Variants in KIF15 observed in about 807,000 individuals in gnomAD.
KIF15 encodes kinesin family member 15.
A neutral mutation model predicts 190.6 loss-of-function variants in KIF15; 140 were observed. That is an observed-to-expected ratio of 0.73 (90% CI 0.64 to 0.84). The LOEUF (loss-of-function observed/expected upper bound fraction) is 0.84. KIF15 is among the 40% of genes least tolerant of loss of function. The probability of loss-of-function intolerance (pLI) is 0.00; values close to 1 mark genes in which losing one functional copy is unlikely to be tolerated. For missense variants in KIF15, 1,372 were observed against 1,584.4 expected (o/e 0.87, Z 2.28); for synonymous variants, 528 against 551.3 (o/e 0.96, Z 0.59).
Position 44,805,032 on chromosome 3 carries a change from C to T in KIF15, c.1693C>T (p.Gln565Ter), listed in dbSNP as rs1224032444. The T allele has an allele frequency of 1.2e-6, 2 of 1,604,934 alleles. No homozygotes were observed. Reference protein sequence around the residue: ...SGMEKSDKNQQGFSPKAQKEP... With the variant: ...SGMEKSDKNQ The stretch of plus-strand genomic sequence containing the variant: ...GATTGTTTTCTTATTAACAGATCAG[C>T]AAGGATTTTCACCTAAAGCTCAGAA... Residue 565 changes from glutamine (Q) to a stop codon, truncating the protein, a stop_gained, in exon 15 of 35, where the codon CAA becomes TAA. Coordinates refer to ENST00000326047, the MANE Select transcript of KIF15 (RefSeq NM_020242.3). LOFTEE classifies it high-confidence loss of function.
At chr3:44,821,051 C>T (rs1443507825) in intron 20 of KIF15, among the ~76,000 whole-genome samples, 8 of 145,622 alleles carry the variant, frequency 5.5e-5, no homozygotes, top group Middle Eastern at 3.6e-3. Context: ...ACCTCCCTCC[C>T]GGATGGGGCG....
At chr3:44,849,353 T>C (rs765985467) in intron 32 of KIF15, among the ~76,000 whole-genome samples, 1 of 152,180 alleles carries the variant, frequency 6.6e-6, no homozygotes, top group African/African-American at 2.4e-5. Context: ...CTGGGCCCAG[T>C]AGCTCACGCC....
intron 6 of KIF15, chr3:44,862,250 C>G (rs1191585129): frequency 3.4e-6 from 2 of 585,004 alleles, no homozygotes; most frequent in East Asian, 2.8e-4. Flanking sequence ...CCGCCGCACC[C>G]TCGCCGGTCT....
At chr3:44,858,155 A>G (rs1461071606), downstream of KIF15, among the ~76,000 whole-genome samples, 3 of 152,200 alleles carry the variant, frequency 2.0e-5, no homozygotes, top group Non-Finnish European at 4.4e-5. Context: ...TGAAAAAAGC[A>G]TCTTTAAGAT....
intron 1 of KIF15, among the ~76,000 whole-genome samples, chr3:44,771,317 C>T (rs1374505992): frequency 6.6e-6 from 1 of 152,094 alleles, no homozygotes; most frequent in African/African-American, 2.4e-5. Context: ...ACAGAAAAGG[C>T]ACCACAGATT....
chr3:44,786,482 G>T lies in KIF15; in HGVS notation c.547G>T (p.Ala183Ser). The part of the protein sequence containing the change: ...QIYDLLDSAS[A>S]GLYLREHIKK... ...ATATGATCTACTGGACTCTGCATCG[G>T]CTGGACTGTACTTAAGGGAGCATAT... Residue 183 changes from alanine (A) to serine (S), a missense_variant, in exon 7 of 35, where the codon GCT (alanine) becomes TCT (serine). By Grantham distance (99) the Ala-to-Ser change is moderately conservative. Transcript: ENST00000326047. 1 of 1,613,946 alleles carries T rather than the reference G, an allele frequency of 6.2e-7. No homozygotes were observed. The highest frequency in any genetic ancestry group is 8.5e-7 in the Non-Finnish European group (1 of 1,179,884).
At chr3:44,855,310 A>G (rs548602003), downstream of KIF15, among the ~76,000 whole-genome samples, 6 of 152,362 alleles carry the variant, frequency 3.9e-5, no homozygotes, top group Admixed American at 1.3e-4. Context: ...GGGGGAGATT[A>G]CAAAGTACAT....
chr3:44,843,778 T>C (rs930510326), intron 30 of KIF15, among the ~76,000 whole-genome samples: 3 of 152,232 alleles, frequency 2.0e-5, no homozygotes, highest in Non-Finnish European at 4.4e-5. Flanking sequence ...TCCAGACTTA[T>C]ATCTTGTCTT....
At chr3:44,763,682 G>A (rs1213271851) in intron 1 of KIF15, among the ~76,000 whole-genome samples, 1 of 150,930 alleles carries the variant, frequency 6.6e-6, no homozygotes, top group African/African-American at 2.4e-5. Flanking sequence ...TGAAATATAC[G>A]ATTCCCCCCT....
At chr3:44,812,768 T>TGAGGTCAA (rs1190425369) in intron 18 of KIF15, among the ~76,000 whole-genome samples, 17 of 152,196 alleles carry the variant, frequency 1.1e-4, no homozygotes, top group Admixed American at 9.2e-4. Flanking sequence ...GTGGATCGTC[T>TGAGGTCAA]GAGGTCAAGA....
At chr3:44,768,320 T>G (rs1705496069) in intron 1 of KIF15, among the ~76,000 whole-genome samples, 1 of 151,988 alleles carries the variant, frequency 6.6e-6, no homozygotes, top group South Asian at 2.1e-4. Context: ...ATGCAAGATT[T>G]TTTGCTCCTT....
chr3:44,801,011 GTT>G (rs76564974), intron 11 of KIF15, among the ~76,000 whole-genome samples: 3 of 140,550 alleles, frequency 2.1e-5, no homozygotes, highest in Non-Finnish European at 1.6e-5. Flanking sequence ...CGGTCTCATT[GTT>G]TTTTTTTTTT....
At position 44,852,282 on chromosome 3, in the gene KIF15, G is replaced by T; in HGVS notation, c.4047G>T (p.Leu1349Phe). Residue 1349 changes from leucine (L) to phenylalanine (F), a missense_variant, in exon 34 of 35, where the codon TTG (leucine) becomes TTT (phenylalanine). By Grantham distance (22) the Leu-to-Phe change is conservative (BLOSUM62 0). Coordinates refer to ENST00000326047, the MANE Select transcript of KIF15 (RefSeq NM_020242.3). Reference protein sequence around the residue: ...ENGKLVGHQNLHQKIQYVVRL... With the variant: ...ENGKLVGHQNFHQKIQYVVRL... ...GAAAGTTGGTAGGTCACCAAAATTTGCATCAGAAGATTCAGTACGTAGTGC... is the reference window on the plus strand; with the variant it reads ...GAAAGTTGGTAGGTCACCAAAATTTTCATCAGAAGATTCAGTACGTAGTGC... The T allele has an allele frequency of 6.2e-7, 1 of 1,613,510 alleles. No individual in the cohort carries two copies. Among genetic ancestry groups the T allele is most frequent in the Non-Finnish European group, 8.5e-7 (1 of 1,179,590 alleles).
intron 1 of KIF15, among the ~76,000 whole-genome samples, chr3:44,773,005 T>C (rs2125900313): frequency 6.6e-6 from 1 of 152,144 alleles, no homozygotes; most frequent in South Asian, 2.1e-4. Flanking sequence ...GACAGAGCCA[T>C]ACAGAAAGAC....
chr3:44,864,739 G>A (rs1163358835), intron 6 of KIF15, among the ~76,000 whole-genome samples: 1 of 152,182 alleles, frequency 6.6e-6, no homozygotes, highest in Non-Finnish European at 1.5e-5. Flanking sequence ...GCTGAGCGTA[G>A]TCAATCTTGA....
intron 14 of KIF15, among the ~76,000 whole-genome samples, chr3:44,804,715 C>T (rs1028865594): frequency 1.3e-5 from 2 of 152,150 alleles, no homozygotes; most frequent in African/African-American, 4.8e-5. Flanking sequence ...TTTTAGGGCT[C>T]GCTTTCCAAC....
chr3:44,826,208 A>G lies in KIF15; in HGVS notation c.2700+19A>G, dbSNP rs1202604493. On this transcript the variant is annotated intron_variant, in intron 21 of 34. Coordinates refer to ENST00000326047, the MANE Select transcript of KIF15 (RefSeq NM_020242.3). ...TCTGAATGTATGTTAAGAAGGGTGA[A>G]TTTGTCCCGCATCTGTGACTGTCCT... The G allele has an allele frequency of 6.4e-7, 1 of 1,560,830 alleles. No individual in the cohort carries two copies. Among genetic ancestry groups the G allele is most frequent in the African/African-American group, 1.5e-5 (1 of 67,118 alleles).
At chr3:44,771,230 C>T (rs543518051) in intron 1 of KIF15, among the ~76,000 whole-genome samples, 2 of 152,112 alleles carry the variant, frequency 1.3e-5, no homozygotes, top group South Asian at 4.2e-4. Context: ...ACATAACAAC[C>T]TTAATTGTGA....
rs200836537 is a variant in KIF15, at chr3:44,800,478, A to G, written c.1222+41A>G. On this transcript the variant is annotated intron_variant, in intron 11 of 34. Coordinates refer to ENST00000326047, the MANE Select transcript of KIF15 (RefSeq NM_020242.3). ...AGTCCTTTATCTTGGGGAAGACTGT[A>G]CAAATAATAGTTTAAGAGCCCTTGG... is the stretch of plus-strand genomic sequence containing the variant. 4.1e-5 allele frequency: 65 copies of G among 1,591,802 alleles called. No individual in the cohort carries two copies. In the East Asian group the frequency reaches 1.4e-3, roughly 34 times the overall value.
Sources: allele counts gnomAD v4.1 joint callset (sites outside exome capture counted in the v4.1 genomes callset), GRCh38; gene constraint gnomAD v4.1.1; transcripts MANE v1.5; gene names NCBI Gene and HGNC (gene_info 2026-07-23, HGNC 2026-07-21).